The following GBF1 variants were observed in gnomAD, a reference collection of about 807,000 sequenced individuals.
The protein encoded by GBF1 is Golgi-specific brefeldin A-resistance guanine nucleotide exchange factor 1.
In GBF1, 114 loss-of-function variants were observed where a neutral mutation model predicts 210.5. The ratio of observed to expected loss-of-function variants is 0.54; its 90% CI spans 0.47 to 0.63. The LOEUF is 0.63. Ranked by LOEUF, GBF1 falls within the 30% of genes least tolerant of loss-of-function variation. GBF1 has a pLI of 0.00. For missense variants in GBF1, 1,851 were observed against 2,357.7 expected (o/e 0.79, Z 4.45); for synonymous variants, 850 against 889.2 (o/e 0.96, Z 0.78).
At chr10:102,304,059 T>G (rs935696882) in intron 3 of GBF1, among the ~76,000 whole-genome samples, 6 of 152,192 alleles carry the variant, frequency 3.9e-5, no homozygotes, top group African/African-American at 1.4e-4. Flanking sequence ...GTCTCCATCT[T>G]CACATATAAT....
Position 102,361,151 on chromosome 10 carries a change from GA to G in GBF1, c.1491+39del, listed in dbSNP as rs746867398. The G allele has an allele frequency of 3.7e-4, 420 of 1,148,128 alleles. 1 individual carries two copies. Among genetic ancestry groups the G allele is most frequent in the East Asian group, 1.3e-3 (56 of 42,774 alleles). The allele number at this position is 1,148,128 out of a possible 1,614,324, so 71.1% of individuals were successfully genotyped here. A position where few individuals can be genotyped will look rare whatever the true frequency, so the allele number is the denominator to read the frequency against. ...TTTCTTGATGTGGAAAGAAAAGGGGGAAAAAAAATAGGGAGATATATGGCAT... is the reference window on the plus strand; with the variant it reads ...TTTCTTGATGTGGAAAGAAAAGGGGGAAAAAAATAGGGAGATATATGGCAT... On this transcript the variant is annotated intron_variant, in intron 13 of 39. Transcript: ENST00000369983.
At chr10:102,351,434 C>T (rs1485623379) in intron 5 of GBF1, 60 bp downstream of exon 5, 1 of 910,754 alleles carries the variant, frequency 1.1e-6, no homozygotes, top group Admixed American at 1.7e-5. Flanking sequence ...GCAGACTCTA[C>T]TTACTCTGCC....
Position 102,368,321 on chromosome 10 carries a change from C to G in GBF1, c.2746C>G (p.Leu916Val). ...HRGATPEGIF[L>V]RVPTASYDLD... is the part of the protein sequence containing the mutation. ...AGGTGCCACCCCTGAGGGCATATTC[C>G]TGCGTGTGCCTACTGCCAGCTATGA... Residue 916 changes from leucine (L) to valine (V), a missense_variant, in exon 22 of 40, where the codon CTG becomes GTG. Coordinates refer to ENST00000369983, the MANE Select transcript of GBF1 (RefSeq NM_001377137.1). The G allele has an allele frequency of 2.5e-6, 4 of 1,613,802 alleles. No individual in the cohort carries two copies. The highest frequency in any genetic ancestry group is 3.4e-6 in the Non-Finnish European group (4 of 1,179,628).
chr10:102,274,729 T>TTTTTTTTG (rs1491304100), intron 3 of GBF1, among the ~76,000 whole-genome samples: 1 of 102,664 alleles, frequency 9.7e-6, no homozygotes, highest in African/African-American at 4.0e-5. Context: ...TTTTTTTTTT[T>TTTTTTTTG]GAGAGGGAGT....
At chr10:102,308,782 G>GT (rs759195994) in intron 3 of GBF1, among the ~76,000 whole-genome samples, 1 of 151,388 alleles carries the variant, frequency 6.6e-6, no homozygotes, top group South Asian at 2.1e-4. Context: ...GCTAAATGAT[G>GT]AGTTAATGGG....
At chr10:102,256,555 G>T (rs973158298) in intron 1 of GBF1, among the ~76,000 whole-genome samples, 1 of 21,346 alleles carries the variant, frequency 4.7e-5, no homozygotes, top group Non-Finnish European at 7.5e-5. Flanking sequence ...TGGCTCTGTT[G>T]CCCAGGCTGG....
Position 102,363,364 on chromosome 10 carries a change from G to A in GBF1, c.1985G>A (p.Cys662Tyr), listed in dbSNP as rs772420277. 6.8e-6 allele frequency: 11 copies of A among 1,614,100 alleles called. No individual in the cohort carries two copies. The South Asian group carries it at 1.2e-4, about 18-fold the overall frequency. ...CCACCAGAACATGGGAAATCAGGAT[G>A]CAGTGATCTGGAGGAAGCTGTTGAC... is the stretch of plus-strand genomic sequence containing the variant. ...RLPPEHGKSGCSDLEEAVDSG... is the reference protein window; with the variant it reads ...RLPPEHGKSGYSDLEEAVDSG... The change falls in exon 16 of 40, where the codon TGC becomes TAC. Residue 662 changes from cysteine (C) to tyrosine (Y), a missense_variant. Physicochemically the swap from Cys to Tyr is radical, Grantham distance 194. Transcript: ENST00000369983. This position sits in a 1 kb window ranked among gnomAD's most constrained non-coding sequence, Gnocchi z 4.2.
At chr10:102,293,498 C>T (rs1454637723) in intron 3 of GBF1, among the ~76,000 whole-genome samples, 2 of 152,096 alleles carry the variant, frequency 1.3e-5, no homozygotes, top group Middle Eastern at 6.8e-3. Flanking sequence ...ACAGGTCTTT[C>T]AGGAGGTATT....
In GBF1 at chr10:102,369,742, T is replaced by C. The variant is rs2060104346; in HGVS notation, c.3182T>C (p.Ile1061Thr). Residue 1061 changes from isoleucine to threonine, a missense_variant, in exon 25 of 40, where the codon ATC becomes ACC. Transcript: ENST00000369983. The part of the protein sequence containing the change: ...VEDFVDPNGK[I>T]SLQREETPSN... ...GATTTCGTGGATCCCAATGGCAAGA[T>C]CTCTCTACAGCGGGAAGAGACACCA... 6.2e-7 allele frequency: 1 copy of C among 1,614,016 alleles called. No individual in the cohort carries two copies.
In GBF1 at chr10:102,360,631, C is replaced by G. The variant is rs79122517; in HGVS notation, c.1392+236C>G. On this transcript the variant is annotated intron_variant, in intron 12 of 39. Coordinates refer to ENST00000369983, the MANE Select transcript of GBF1 (RefSeq NM_001377137.1). ...AAGCAATGGACCTCAGTGACACCTTCACTCAGTTTGCCTCTTCTGCCTCTC... is the reference window on the plus strand; with the variant it reads ...AAGCAATGGACCTCAGTGACACCTTGACTCAGTTTGCCTCTTCTGCCTCTC... Among the ~76,000 whole-genome samples the G allele has an allele frequency of 5.9e-4, 90 of 152,324 alleles. 1 individual carries two copies. In the East Asian group the frequency reaches 0.017, roughly 29 times the overall value.
chr10:102,246,803 GT>G (rs899091111), intron 1 of GBF1, among the ~76,000 whole-genome samples: 26 of 152,222 alleles, frequency 1.7e-4, no homozygotes, highest in African/African-American at 5.1e-4. Flanking sequence ...TGTAGATGGT[GT>G]TTTTTAATGC....
intron 21 of GBF1, among the ~76,000 whole-genome samples, chr10:102,368,003 ACTAAAGGC>A (rs1284094344): frequency 7.2e-5 from 11 of 152,310 alleles, no homozygotes; most frequent in Admixed American, 7.2e-4. Context: ...TTACTATAGA[ACTAAAGGC>A]CTCACTTACA....
At chr10:102,258,637 G>C (rs1214624778) in intron 1 of GBF1, among the ~76,000 whole-genome samples, 4 of 151,194 alleles carry the variant, frequency 2.6e-5, no homozygotes, top group African/African-American at 9.7e-5. Context: ...AGCCAGATAT[G>C]GTGGCGCATG....
At position 102,360,321 on chromosome 10, in the gene GBF1, G is replaced by T. The variant is rs778697915; in HGVS notation, c.1318G>T (p.Glu440Ter). Residue 440 changes from glutamate to a stop codon, truncating the protein, a stop_gained, in exon 12 of 40, where the codon GAG becomes TAG. Transcript: ENST00000369983. LOFTEE classifies it high-confidence loss of function. ...ACTGCATTTGCTGACAGTGGCCCTTGAGTCAGCCCCTGTAGCCCAGTGCCA... is the reference window on the plus strand; with the variant it reads ...ACTGCATTTGCTGACAGTGGCCCTTTAGTCAGCCCCTGTAGCCCAGTGCCA... Reference protein sequence around the residue: ...MGLHLLTVALESAPVAQCQTL... With the variant: ...MGLHLLTVAL 1 of 1,613,646 alleles carries T rather than the reference G, an allele frequency of 6.2e-7. No individual in the cohort carries two copies. Among genetic ancestry groups the T allele is most frequent in the East Asian group, 2.2e-5 (1 of 44,882 alleles).
In GBF1 at chr10:102,253,038, GCC is replaced by G. The variant is rs2071794255; in HGVS notation, c.-10-5888_-10-5887del. ...GCCTCCTGAGTAGCTGGGATTACAG[GCC>G]CCTGCCATCATGCCCAGCTAATTTT... On this transcript the variant is annotated intron_variant, in intron 1 of 39. Coordinates refer to ENST00000369983, the MANE Select transcript of GBF1 (RefSeq NM_001377137.1). 3.3e-5 allele frequency among the ~76,000 whole-genome samples: 5 copies of G among 152,106 alleles called. 1 individual carries two copies. The South Asian group carries it at 1.0e-3, about 32-fold the overall frequency.
chr10:102,248,955 C>A (rs1194178291), intron 1 of GBF1, among the ~76,000 whole-genome samples: 1 of 152,136 alleles, frequency 6.6e-6, no homozygotes, highest in Non-Finnish European at 1.5e-5. Context: ...TTTAGAAGAG[C>A]CAACTGCTCC....
chr10:102,360,941 C>G, intron 12 of GBF1, 81 bp from the exon 13 acceptor site: 1 of 767,446 alleles, frequency 1.3e-6, no homozygotes. Context: ...CGCCACTGCA[C>G]TCCAGCGTGG....
At chr10:102,308,926 C>T (rs1339188040) in intron 3 of GBF1, among the ~76,000 whole-genome samples, 1 of 151,772 alleles carries the variant, frequency 6.6e-6, no homozygotes, top group East Asian at 1.9e-4. Flanking sequence ...GCTTCTACTT[C>T]ATGATGCCAT....
chr10:102,247,542 A>G (rs529917928), intron 1 of GBF1, among the ~76,000 whole-genome samples: 1 of 152,338 alleles, frequency 6.6e-6, no homozygotes, highest in Middle Eastern at 3.4e-3. Flanking sequence ...ATAACAGGCA[A>G]TCTAGTCTCT....
Sources: gnomAD v4.1 joint callset for allele counts (sites outside exome capture counted in the v4.1 genomes callset) on GRCh38, gnomAD v4.1.1 for gene constraint, Gnocchi (gnomAD v3.1) non-coding constraint, MANE v1.5 for transcripts, NCBI Gene and HGNC (gene_info 2026-07-23, HGNC 2026-07-21) for gene names.